SLC9A4: variants seen among roughly 807,000 people sequenced by gnomAD.
The protein encoded by SLC9A4 is sodium/hydrogen exchanger 4.
In SLC9A4, 63 loss-of-function variants were observed where a neutral mutation model predicts 67.4. The ratio of observed to expected loss-of-function variants is 0.93; its 90% CI spans 0.76 to 1.15. SLC9A4 has a LOEUF of 1.15. SLC9A4 is among the 50% of genes most tolerant of loss of function. SLC9A4 has a pLI of 0.00. For synonymous variants in SLC9A4, 393 were observed against 367.2 expected (o/e 1.07, Z -0.80); for missense variants, 1,089 against 987.7 (o/e 1.10, Z -1.38).
intron 2 of SLC9A4, among the ~76,000 whole-genome samples, chr2:102,498,266 T>C (rs575211059): frequency 1.4e-4 from 22 of 152,344 alleles, no homozygotes; most frequent in African/African-American, 2.2e-4. Context: ...TAGTAAGGAT[T>C]GTGATTGTAA....
At chr2:102,496,390 A>T (rs1299586856) in intron 2 of SLC9A4, among the ~76,000 whole-genome samples, 2 of 152,252 alleles carry the variant, frequency 1.3e-5, no homozygotes, top group Non-Finnish European at 2.9e-5. Flanking sequence ...GATATGGAGC[A>T]ACTGGGAATC....
At chr2:102,474,982 T>C (rs931363337) in intron 1 of SLC9A4, among the ~76,000 whole-genome samples, 4 of 152,206 alleles carry the variant, frequency 2.6e-5, no homozygotes, top group African/African-American at 9.6e-5. Context: ...CTGTGTGCTC[T>C]GGCTATTCAC....
chr2:102,517,957 C>T (rs1235159920), intron 8 of SLC9A4, among the ~76,000 whole-genome samples: 1 of 152,190 alleles, frequency 6.6e-6, no homozygotes. Flanking sequence ...AAAGCTGTAT[C>T]TCCTGTGTTT....
intron 8 of SLC9A4, among the ~76,000 whole-genome samples, chr2:102,517,862 G>T (rs1479069634): frequency 6.6e-6 from 1 of 152,240 alleles, no homozygotes; most frequent in East Asian, 1.9e-4. Context: ...CTCCTTTATG[G>T]ATAATGAATG....
At chr2:102,495,890 G>T (rs550095777) in intron 2 of SLC9A4, among the ~76,000 whole-genome samples, 54 of 151,910 alleles carry the variant, frequency 3.6e-4, no homozygotes, top group Middle Eastern at 3.4e-3. Context: ...AAATGGAAAA[G>T]GTATAATTAT....
intron 9 of SLC9A4, among the ~76,000 whole-genome samples, chr2:102,520,529 C>CT (rs1470131202): frequency 1.3e-5 from 2 of 152,164 alleles, no homozygotes; most frequent in Non-Finnish European, 2.9e-5. Flanking sequence ...CTTTCTGAAA[C>CT]TTTGACTTAG....
chr2:102,478,227 A>G (rs1167930777), intron 1 of SLC9A4, among the ~76,000 whole-genome samples: 3 of 152,164 alleles, frequency 2.0e-5, no homozygotes, highest in Admixed American at 2.0e-4. Flanking sequence ...TGGCCAAAGA[A>G]ATGGAGAGGA....
At position 102,476,789 on chromosome 2, in the gene SLC9A4, C is replaced by T. The variant is rs10469857; in HGVS notation, c.257-2050C>T. Among the ~76,000 whole-genome samples the T allele has an allele frequency of 5.5e-3, 821 of 149,990 alleles. 16 individuals carry two copies. The highest frequency in any genetic ancestry group is 0.019 in the African/African-American group (788 of 40,658). Reference sequence around the variant, plus strand: ...GTAAGAAGGAGCAGCAGGAGTTGGACAAAGAGAAGATGAAGAAGGAGGAGG... The same window carrying T: ...GTAAGAAGGAGCAGCAGGAGTTGGATAAAGAGAAGATGAAGAAGGAGGAGG... On this transcript the variant is annotated intron_variant, in intron 1 of 11. Transcript: ENST00000295269.
At chr2:102,513,637 C>T (rs534623100) in intron 7 of SLC9A4, among the ~76,000 whole-genome samples, 2 of 152,176 alleles carry the variant, frequency 1.3e-5, no homozygotes, top group Admixed American at 6.5e-5. Flanking sequence ...CTGTAACTAC[C>T]GGGCCATTTA....
At chr2:102,495,946 G>A (rs1684799287) in intron 2 of SLC9A4, among the ~76,000 whole-genome samples, 1 of 151,922 alleles carries the variant, frequency 6.6e-6, no homozygotes, top group African/African-American at 2.4e-5. Context: ...TATGACTATA[G>A]AAACAAAGAC....
At chr2:102,527,834 G>A (rs1012752860) in intron 11 of SLC9A4, among the ~76,000 whole-genome samples, 3 of 152,064 alleles carry the variant, frequency 2.0e-5, no homozygotes, top group Admixed American at 6.6e-5. Context: ...TAGTGAAGTT[G>A]AACATCTTTC....
chr2:102,479,320 C>T lies in SLC9A4; in HGVS notation c.720+18C>T, dbSNP rs1203459890. On this transcript the variant is annotated intron_variant, in intron 2 of 11. Coordinates refer to ENST00000295269, the MANE Select transcript of SLC9A4 (RefSeq NM_001011552.4). ...TTACTGTGGTGAGATGTCATGTGCCCGCCCGGCTTCCGGGGGAGATGAGGG... is the reference window on the plus strand; with the variant it reads ...TTACTGTGGTGAGATGTCATGTGCCTGCCCGGCTTCCGGGGGAGATGAGGG... 5 of 1,587,250 alleles carry T rather than the reference C, an allele frequency of 3.2e-6. No individual in the cohort carries two copies. Among genetic ancestry groups the T allele is most frequent in the East Asian group, 4.5e-5 (2 of 44,220 alleles).
chr2:102,475,482 G>C (rs1174687856), intron 1 of SLC9A4, among the ~76,000 whole-genome samples: 1 of 152,054 alleles, frequency 6.6e-6, no homozygotes, highest in Non-Finnish European at 1.5e-5. Flanking sequence ...ATTTTGTCTT[G>C]GTTTTATATT....
chr2:102,476,060 A>G (rs1292455038), intron 1 of SLC9A4, among the ~76,000 whole-genome samples: 1 of 152,254 alleles, frequency 6.6e-6, no homozygotes, highest in Non-Finnish European at 1.5e-5. Context: ...CTAACGGGGA[A>G]GATAGGTTAA....
rs796818516 is a variant in SLC9A4 at position 102,519,794 on chromosome 2, A to G, written c.1722-65A>G. Reference sequence around the variant, plus strand: ...TCAGTACAGAGCAAGGCCCACTGATAGTTTTGTGGCACCTCTTGCCAAATG... The same window carrying G: ...TCAGTACAGAGCAAGGCCCACTGATGGTTTTGTGGCACCTCTTGCCAAATG... On this transcript the variant is annotated intron_variant, in intron 8 of 11. Coordinates refer to ENST00000295269, the MANE Select transcript of SLC9A4 (RefSeq NM_001011552.4). 2.0e-6 allele frequency: 3 copies of G among 1,480,268 alleles called. No individual in the cohort carries two copies. The African/African-American group carries it at 4.2e-5, about 21-fold the overall frequency. The allele number at this position is 1,480,268 out of a possible 1,614,324, so 91.7% of individuals were successfully genotyped here. A position where few individuals can be genotyped will look rare whatever the true frequency, so the allele number is the denominator to read the frequency against.
chr2:102,474,008 A>G lies in SLC9A4; in HGVS notation c.249A>G (p.Ala83=). 6.2e-7 allele frequency: 1 copy of G among 1,613,034 alleles called. No homozygotes were observed. Residue 83 remains alanine, a synonymous_variant, in exon 1 of 12, where the codon GCA becomes GCG. Transcript: ENST00000295269. Reference sequence around the variant, plus strand: ...TCTGGATACTTCTAGCATCCCTTGCAAAAATAGGTAAGTCCTTAAACACCT... The same window carrying G: ...TCTGGATACTTCTAGCATCCCTTGCGAAAATAGGTAAGTCCTTAAACACCT... ...VTLWILLASL[A]KIGFHLYHRL...
At chr2:102,507,956 T>C (rs1454388367) in intron 4 of SLC9A4, 123 bp from the exon 5 acceptor site, 1 of 851,178 alleles carries the variant, frequency 1.2e-6, no homozygotes, top group Non-Finnish European at 1.9e-6. Flanking sequence ...TAGACAATCA[T>C]GGGTGTATGA....
intron 2 of SLC9A4, among the ~76,000 whole-genome samples, chr2:102,490,221 G>A (rs555046966): frequency 6.6e-6 from 1 of 152,180 alleles, no homozygotes; most frequent in Non-Finnish European, 1.5e-5. Context: ...TATGCAAGGC[G>A]ATGAGGAAGA....
Position 102,532,600 on chromosome 2 carries a change from T to A in SLC9A4, c.2309T>A (p.Leu770Ter), listed in dbSNP as rs776157926. ...SGGESEGKASLVEVRSRWTAD... is the reference protein window; with the variant it reads ...SGGESEGKAS ...GGGGAGAGTGAGGGCAAGGCCTCTTTGGTTGAGGTTCGGTCGAGGTGGACA... is the reference window on the plus strand; with the variant it reads ...GGGGAGAGTGAGGGCAAGGCCTCTTAGGTTGAGGTTCGGTCGAGGTGGACA... Residue 770 changes from leucine to a stop codon, truncating the protein, a stop_gained, in exon 12 of 12, where the codon TTG becomes TAG. Transcript: ENST00000295269. LOFTEE classifies it low-confidence loss of function (END_TRUNC). 6.2e-6 allele frequency: 10 copies of A among 1,613,870 alleles called. No individual in the cohort carries two copies. The highest frequency in any genetic ancestry group is 7.6e-6 in the Non-Finnish European group (9 of 1,179,960).
Sources: gnomAD v4.1 joint callset for allele counts (sites outside exome capture counted in the v4.1 genomes callset) on GRCh38, gnomAD v4.1.1 for gene constraint, MANE v1.5 for transcripts, NCBI Gene and HGNC (gene_info 2026-07-23, HGNC 2026-07-21) for gene names.